The following STKLD1 variants were observed in gnomAD, a reference collection of about 807,000 sequenced individuals.
STKLD1 encodes the protein serine/threonine kinase-like domain-containing protein STKLD1.
In STKLD1, 79 loss-of-function variants were observed where a neutral mutation model predicts 80.4. The observed-to-expected ratio is 0.98, with a 90% confidence interval of 0.82 to 1.19. STKLD1 has a LOEUF of 1.19. Among genes scored for constraint, STKLD1 ranks in the 50% most tolerant of loss-of-function variants. STKLD1 has a pLI of 0.00. For missense variants in STKLD1, 841 were observed against 856.0 expected, an observed-to-expected ratio of 0.98 and a Z score of 0.22; for synonymous variants, 393 against 357.6, an observed-to-expected ratio of 1.10 and a Z score of -1.12.
chr9:133,383,555 AATG>A (rs1564376054), intron 2 of STKLD1, among the ~76,000 whole-genome samples: 1 of 8,782 alleles, frequency 1.1e-4, no homozygotes, highest in African/African-American at 3.5e-4. Flanking sequence ...TGAAGGTGGT[AATG>A]ATGATGTTAA....
At chr9:133,387,816 A>T (rs1838298100) in intron 5 of STKLD1, 1 of 583,178 alleles carries the variant, frequency 1.7e-6, no homozygotes, top group African/African-American at 1.8e-5. Context: ...ATGATTCCAG[A>T]TTGTTCTGCC....
In STKLD1 at chr9:133,389,429, G is replaced by C; in HGVS notation, c.397-97G>C. ...AGGCCTGTCTCAAGATGCAAGGAGA[G>C]GATACACCACCATCCTGCTGGCTGC... is the stretch of plus-strand genomic sequence containing the variant. On this transcript the variant is annotated intron_variant, in intron 5 of 17. Transcript: ENST00000371957. This position sits in a 1 kb window ranked among gnomAD's most constrained non-coding sequence, Gnocchi z 6.4. 6.5e-7 allele frequency: 1 copy of C among 1,532,110 alleles called. No individual in the cohort carries two copies. Among genetic ancestry groups the C allele is most frequent in the South Asian group, 1.2e-5 (1 of 80,986 alleles). 94.9% of individuals were successfully genotyped at this position (1,532,110 alleles called of 1,614,324 possible).
chr9:133,395,922 C>G, intron 9 of STKLD1, 159 bp downstream of exon 9: 1 of 736,934 alleles, frequency 1.4e-6, no homozygotes, highest in Non-Finnish European at 2.2e-6. Context: ...CCAGTTCTGG[C>G]TCTCCCAAAC....
In STKLD1 at chr9:133,405,534, G is replaced by T; in HGVS notation, c.*113G>T. On this transcript the variant is annotated 3_prime_UTR_variant, in exon 18 of 18. Coordinates refer to ENST00000371957, the MANE Select transcript of STKLD1 (RefSeq NM_153710.5). ...GGCCAAAATCAATCTTAAACGGGAGGGGTAATCAGACCTCTCCAAAGAGTT... is the reference window on the plus strand; with the variant it reads ...GGCCAAAATCAATCTTAAACGGGAGTGGTAATCAGACCTCTCCAAAGAGTT... 1 of 1,106,500 alleles carries T rather than the reference G, an allele frequency of 9.0e-7. No homozygotes were observed. Among genetic ancestry groups the T allele is most frequent in the South Asian group, 1.7e-5 (1 of 59,916 alleles). 68.5% of individuals were successfully genotyped at this position (1,106,500 alleles called of 1,614,324 possible).
In STKLD1 at chr9:133,389,106, C is replaced by T. The variant is rs1035097725; in HGVS notation, c.397-420C>T. On this transcript the variant is annotated intron_variant, in intron 5 of 17. Coordinates refer to ENST00000371957, the MANE Select transcript of STKLD1 (RefSeq NM_153710.5). The surrounding 1 kb of genome is among the most constrained non-coding windows in gnomAD (Gnocchi z 6.4). ...TGATGCAGAACACTCCTAGCATTCT[C>T]TCTCAGGGCTCTTTTCATTTGAATG... The T allele has an allele frequency of 1.0e-6, 1 of 985,430 alleles. No individual in the cohort carries two copies. The highest frequency in any genetic ancestry group is 1.7e-5 in the African/African-American group (1 of 57,356). 61.0% of individuals were successfully genotyped at this position (985,430 alleles called of 1,614,324 possible). A position where few individuals can be genotyped will look rare whatever the true frequency, so the allele number is the denominator to read the frequency against.
chr9:133,383,187 ATGGTGTGATGG>A (rs1193249956), intron 2 of STKLD1, among the ~76,000 whole-genome samples: 1 of 143,146 alleles, frequency 7.0e-6, no homozygotes, highest in Admixed American at 6.9e-5. Flanking sequence ...GATGGTGATG[ATGGTGTGATGG>A]TGATTTTGGT....
rs2119219078 is a variant in STKLD1 at position 133,389,376 on chromosome 9, C to T, written c.397-150C>T. 2 of 1,448,704 alleles carry T rather than the reference C, an allele frequency of 1.4e-6. No individual in the cohort carries two copies. The highest frequency in any genetic ancestry group is 1.8e-6 in the Non-Finnish European group (2 of 1,098,120). 89.7% of individuals were successfully genotyped at this position (1,448,704 alleles called of 1,614,324 possible). The stretch of plus-strand genomic sequence containing the variant: ...CTGGAGAGCCACCACGCTGAAGCCT[C>T]CTCCACCCTGAGCGCTTGGCTGGCT... On this transcript the variant is annotated intron_variant, in intron 5 of 17. Transcript: ENST00000371957. The surrounding 1 kb of genome is among the most constrained non-coding windows in gnomAD (Gnocchi z 6.4).
chr9:133,391,291 G>GTGTCAGCCCCC (rs1437068562), intron 7 of STKLD1, among the ~76,000 whole-genome samples: 36 of 145,220 alleles, frequency 2.5e-4, no homozygotes, highest in African/African-American at 9.7e-4. Flanking sequence ...GAGGTGAGGG[G>GTGTCAGCCCCC]CGCCTCTGCC....
Position 133,394,400 on chromosome 9 carries a change from C to T in STKLD1, c.693C>T (p.Ser231=), listed in dbSNP as rs1386471306. ...TCATTCTGGACATGACCAGCTGCTC[C>T]TTCATGGATGTGAGCCGCCCTCCCT... ...GCIILDMTSC[S]FMDGTEAMHL... The change falls in exon 8 of 18, where the codon TCC becomes TCT. Residue 231 remains serine, a synonymous_variant. Transcript: ENST00000371957. The surrounding 1 kb of genome is among the most constrained non-coding windows in gnomAD (Gnocchi z 4.9). 4 of 1,611,964 alleles carry T rather than the reference C, an allele frequency of 2.5e-6. No homozygotes were observed. Among genetic ancestry groups the T allele is most frequent in the South Asian group, 1.1e-5 (1 of 91,038 alleles).
At chr9:133,382,978 A>G (rs1269848007) in intron 2 of STKLD1, among the ~76,000 whole-genome samples, 1 of 127,000 alleles carries the variant, frequency 7.9e-6, no homozygotes, top group Non-Finnish European at 1.7e-5. Flanking sequence ...TGATGGTGTG[A>G]TGATGATGGT....
At chr9:133,392,135 A>C (rs1838412993) in intron 7 of STKLD1, among the ~76,000 whole-genome samples, 1 of 143,404 alleles carries the variant, frequency 7.0e-6, no homozygotes, top group African/African-American at 2.6e-5. Flanking sequence ...GGAATGCAGT[A>C]GCGCAATCTC....
rs1051053393 is a variant in STKLD1, at chr9:133,394,651, G to A, written c.702+242G>A. On this transcript the variant is annotated intron_variant, in intron 8 of 17. Transcript: ENST00000371957. This position sits in a 1 kb window ranked among gnomAD's most constrained non-coding sequence, Gnocchi z 4.9. ...TGGTAATATTCAGACCATCCCACGC[G>A]ACCCTCGCAGCAGCCCTCCAGGTGG... The A allele has an allele frequency of 3.2e-5, 16 of 503,636 alleles. No individual in the cohort carries two copies. The highest frequency in any genetic ancestry group is 8.2e-5 in the South Asian group (3 of 36,734). The allele number at this position is 503,636 out of a possible 1,614,324, so 31.2% of individuals were successfully genotyped here.
chr9:133,395,934 G>T, intron 9 of STKLD1, 171 bp downstream of exon 9: 1 of 659,624 alleles, frequency 1.5e-6, no homozygotes, highest in Non-Finnish European at 2.5e-6. Context: ...CTCCCAAACC[G>T]TGCTGCGGCG....
In STKLD1 at chr9:133,382,076, C is replaced by T. The variant is rs2130267396; in HGVS notation, c.175-1780C>T. 1.8e-4 allele frequency among the ~76,000 whole-genome samples: 28 copies of T among 152,318 alleles called. No homozygotes were observed. The East Asian group carries it at 3.9e-3, about 21-fold the overall frequency. On this transcript the variant is annotated intron_variant, in intron 2 of 17. Coordinates refer to ENST00000371957, the MANE Select transcript of STKLD1 (RefSeq NM_153710.5). ...CAAGCGTGCTGCAGACTCAAAGCTC[C>T]GTGCTGCCCTTGCCACCACCCTTCC...
chr9:133,404,724 T>C (rs1170165064), intron 16 of STKLD1, 65 bp from the exon 17 acceptor site: 2 of 1,582,092 alleles, frequency 1.3e-6, no homozygotes, highest in African/African-American at 1.4e-5. Context: ...CATCCCGTCC[T>C]GGGCAGAAGG....
intron 7 of STKLD1, among the ~76,000 whole-genome samples, chr9:133,391,204 C>G (rs2130288601): frequency 1.3e-5 from 2 of 149,086 alleles, no homozygotes; most frequent in South Asian, 2.1e-4. Context: ...TCAGCCCCCC[C>G]GCCCAGACAG....
chr9:133,404,568 C>T (rs1554778313), intron 16 of STKLD1, among the ~76,000 whole-genome samples: 1 of 152,194 alleles, frequency 6.6e-6, no homozygotes, highest in Admixed American at 6.5e-5. Flanking sequence ...GTGACAACGA[C>T]CCCTTTGGCT....
chr9:133,378,458 C>A (rs2130257772), intron 1 of STKLD1, among the ~76,000 whole-genome samples: 3 of 152,254 alleles, frequency 2.0e-5, no homozygotes, highest in Non-Finnish European at 4.4e-5. Flanking sequence ...TAAGATCAGA[C>A]CCCCAGAGTT....
Position 133,390,235 on chromosome 9 carries a change from ACACACACACACACAC to A in STKLD1, c.468-445_468-431del, listed in dbSNP as rs1465140852. ...CACACACACACACACACACACACAC[ACACACACACACACAC>A]ACCACGCAGACCATACGTACAAAGG... is the stretch of plus-strand genomic sequence containing the variant. On this transcript the variant is annotated intron_variant, in intron 6 of 17. Transcript: ENST00000371957. This position sits in a 1 kb window ranked among gnomAD's most constrained non-coding sequence, Gnocchi z 5.1. Among the ~76,000 whole-genome samples, 141 of 145,448 alleles carry A rather than the reference ACACACACACACACAC, an allele frequency of 9.7e-4. 2 individuals carry two copies. Among genetic ancestry groups the A allele is most frequent in the African/African-American group, 3.6e-3 (131 of 36,446 alleles).
Sources: gnomAD v4.1 joint callset for allele counts (sites outside exome capture counted in the v4.1 genomes callset) on GRCh38, gnomAD v4.1.1 for gene constraint, Gnocchi (gnomAD v3.1) non-coding constraint, MANE v1.5 for transcripts, NCBI Gene and HGNC (gene_info 2026-07-23, HGNC 2026-07-21) for gene names.